ZNF200: variants seen among roughly 807,000 people sequenced by gnomAD.
ZNF200 encodes zinc finger protein 200.
A neutral mutation model predicts 33.6 loss-of-function variants in ZNF200; 35 were observed. The ratio of observed to expected loss-of-function variants is 1.04; its 90% confidence interval spans 0.80 to 1.38. The LOEUF (loss-of-function observed/expected upper bound fraction) is 1.38, where lower values mean the gene tolerates loss of function less well. Among genes scored for constraint, ZNF200 ranks in the 40% most tolerant of loss-of-function variants. ZNF200 has a pLI of 0.00. For synonymous variants in ZNF200, 209 were observed against 167.7 expected, an observed-to-expected ratio of 1.25 and a Z score of -1.90; for missense variants, 592 against 470.6, an observed-to-expected ratio of 1.26 and a Z score of -2.39.
At chr16:3,229,138 T>C (rs905417242) in intron 4 of ZNF200, among the ~76,000 whole-genome samples, 1 of 152,196 alleles carries the variant, frequency 6.6e-6, no homozygotes, top group Non-Finnish European at 1.5e-5. Context: ...GTGTGGAGTA[T>C]ATGTAAATGC....
chr16:3,231,240 A>T (rs1308791932), intron 4 of ZNF200, among the ~76,000 whole-genome samples: 1 of 152,056 alleles, frequency 6.6e-6, no homozygotes, highest in Non-Finnish European at 1.5e-5. Context: ...TCTGCCCAAG[A>T]CTCAGGAAAA....
intron 4 of ZNF200, chr16:3,224,967 G>A (rs930442718): frequency 5.2e-6 from 1 of 191,990 alleles, no homozygotes. Context: ...CATCTATACA[G>A]GGAACCACTC....
chr16:3,228,668 T>C (rs1331465689), intron 4 of ZNF200, among the ~76,000 whole-genome samples: 2 of 151,846 alleles, frequency 1.3e-5, no homozygotes, highest in Non-Finnish European at 2.9e-5. Context: ...CTAACTTTTG[T>C]ATATTTTTTT....
chr16:3,230,737 C>T (rs1365351751), intron 4 of ZNF200, among the ~76,000 whole-genome samples: 1 of 152,098 alleles, frequency 6.6e-6, no homozygotes, highest in Non-Finnish European at 1.5e-5. Context: ...TTGATGGCTC[C>T]CCAATCCCTA....
chr16:3,233,971 C>T (rs781143546), intron 1 of ZNF200, 135 bp from the exon 2 acceptor site: 4 of 576,052 alleles, frequency 6.9e-6, no homozygotes, highest in South Asian at 5.5e-5. Context: ...ATAACTGAAA[C>T]GCAGTATTTG....
At chr16:3,224,872 T>C (rs1178849413) in intron 4 of ZNF200, 4 of 458,672 alleles carry the variant, frequency 8.7e-6, no homozygotes, top group Non-Finnish European at 1.2e-5. Flanking sequence ...GTTTGTTCTC[T>C]TCATAGGTGT....
chr16:3,230,911 C>G (rs1034407828), intron 4 of ZNF200, among the ~76,000 whole-genome samples: 1 of 152,186 alleles, frequency 6.6e-6, no homozygotes, highest in African/African-American at 2.4e-5. Flanking sequence ...CTCATTATAC[C>G]TATAAAAATT....
intron 1 of ZNF200, 37 bp from the exon 2 acceptor site, chr16:3,233,873 A>G: frequency 2.0e-6 from 3 of 1,479,298 alleles, no homozygotes; most frequent in South Asian, 1.4e-5. Flanking sequence ...CCAAAAGACC[A>G]GGCACGGCAT....
intron 4 of ZNF200, among the ~76,000 whole-genome samples, chr16:3,230,927 C>T (rs1005011145): frequency 6.6e-6 from 1 of 152,228 alleles, no homozygotes; most frequent in African/African-American, 2.4e-5. Context: ...AAATTTCACA[C>T]TGCTTATCGT....
At position 3,223,858 on chromosome 16, in the gene ZNF200, GCAGCACCATCAGACC is replaced by G; in HGVS notation, c.*19_*33del. On this transcript the variant is annotated 3_prime_UTR_variant, in exon 5 of 5. Transcript: ENST00000414144. Reference sequence around the variant, plus strand: ...TACTTATGAAAGCTCTCAGGTTGAGGCAGCACCATCAGACCCAGAAAGGGTTCCCAGTATTACTTC... The same window carrying G: ...TACTTATGAAAGCTCTCAGGTTGAGGCAGAAAGGGTTCCCAGTATTACTTC... 6.4e-7 allele frequency: 1 copy of G among 1,566,438 alleles called. No individual in the cohort carries two copies. The highest frequency in any genetic ancestry group is 8.6e-7 in the Non-Finnish European group (1 of 1,158,516).
chr16:3,228,558 G>C (rs961983691), intron 4 of ZNF200, among the ~76,000 whole-genome samples: 1 of 151,922 alleles, frequency 6.6e-6, no homozygotes, highest in Non-Finnish European at 1.5e-5. Flanking sequence ...ACAATGATGT[G>C]ATCTCAGCTC....
chr16:3,225,606 G>C (rs1255583680), intron 4 of ZNF200: 2 of 152,176 alleles, frequency 1.3e-5, no homozygotes, highest in Admixed American at 6.5e-5. Flanking sequence ...AGTCCATTTT[G>C]GGTGGTGCTT....
chr16:3,223,897 T>C lies in ZNF200; in HGVS notation c.1183A>G (p.Lys395Glu). The C allele has an allele frequency of 6.2e-7, 1 of 1,609,134 alleles. No homozygotes were observed. The highest frequency in any genetic ancestry group is 8.5e-7 in the Non-Finnish European group (1 of 1,177,350). ...THSACKTRKQ[K>E] ...CCCAGAAAGGGTTCCCAGTATTACT[T>C]CTGCTTTCGGGTCTTACAGGCTGAG... Residue 395 changes from lysine to glutamate, a missense_variant, in exon 5 of 5, where the codon AAG becomes GAG. Physicochemically the swap from Lys to Glu is moderately conservative, Grantham distance 56. Coordinates refer to ENST00000414144, the MANE Select transcript of ZNF200 (RefSeq NM_198088.3).
At chr16:3,233,057 A>G in intron 2 of ZNF200, 136 bp from the exon 3 acceptor site, 1 of 722,654 alleles carries the variant, frequency 1.4e-6, no homozygotes, top group East Asian at 2.7e-5. Context: ...GAGCCCTTAT[A>G]GAGTTCAAGC....
intron 2 of ZNF200, 78 bp from the exon 3 acceptor site, chr16:3,232,999 C>T: frequency 1.5e-6 from 2 of 1,312,238 alleles, no homozygotes; most frequent in Non-Finnish European, 1.1e-6. Flanking sequence ...CGAGGCCAGG[C>T]TGTCCTCATT....
At position 3,223,648 on chromosome 16, in the gene ZNF200, C is replaced by T. The variant is rs1958387759; in HGVS notation, c.*244G>A. The T allele has an allele frequency of 4.3e-6, 2 of 468,002 alleles. No individual in the cohort carries two copies. Among genetic ancestry groups the T allele is most frequent in the Non-Finnish European group, 7.4e-6 (2 of 271,936 alleles). The allele number at this position is 468,002 out of a possible 1,614,324, so 29.0% of individuals were successfully genotyped here. On this transcript the variant is annotated 3_prime_UTR_variant, in exon 5 of 5. Coordinates refer to ENST00000414144, the MANE Select transcript of ZNF200 (RefSeq NM_198088.3). Reference sequence around the variant, plus strand: ...CTGTGACCTGTACATTATCATATAACTTCAAAAAGGAAAGCTCCTTAGTCC... The same window carrying T: ...CTGTGACCTGTACATTATCATATAATTTCAAAAAGGAAAGCTCCTTAGTCC...
At chr16:3,228,083 G>A (rs1292470975) in intron 4 of ZNF200, among the ~76,000 whole-genome samples, 3 of 151,092 alleles carry the variant, frequency 2.0e-5, no homozygotes, top group Admixed American at 6.6e-5. Flanking sequence ...TTGTCCTTTA[G>A]CCTTGTTTTA....
rs1384330942 is a variant in ZNF200 at position 3,223,999 on chromosome 16, C to G, written c.1081G>C (p.Glu361Gln). The change falls in exon 5 of 5, where the codon GAG becomes CAG. Residue 361 changes from glutamate to glutamine, a missense_variant. Coordinates refer to ENST00000414144, the MANE Select transcript of ZNF200 (RefSeq NM_198088.3). Reference protein sequence around the residue: ...FVLHLQSHEAERPYGCKKCGR... With the variant: ...FVLHLQSHEAQRPYGCKKCGR... ...CATTTTTTGCAACCATATGGTCTCT[C>G]AGCCTCATGACTCTGCAGATGAAGC... 1 of 1,614,052 alleles carries G rather than the reference C, an allele frequency of 6.2e-7. No homozygotes were observed. Among genetic ancestry groups the G allele is most frequent in the African/African-American group, 1.3e-5 (1 of 74,910 alleles).
At position 3,233,939 on chromosome 16, in the gene ZNF200, C is replaced by A. The variant is rs1004019954; in HGVS notation, c.-81-103G>T. On this transcript the variant is annotated intron_variant, in intron 1 of 4. Coordinates refer to ENST00000414144, the MANE Select transcript of ZNF200 (RefSeq NM_198088.3). The stretch of plus-strand genomic sequence containing the variant: ...GAGGCTACATGAGATCTAAAGAAAA[C>A]GACAGCTGGGATAGGGAAATCATAA... 5 of 848,634 alleles carry A rather than the reference C, an allele frequency of 5.9e-6. No individual in the cohort carries two copies. In the African/African-American group the frequency reaches 7.0e-5, roughly 12 times the overall value. The allele number at this position is 848,634 out of a possible 1,614,324, so 52.6% of individuals were successfully genotyped here.
Sources: allele counts gnomAD v4.1 joint callset (sites outside exome capture counted in the v4.1 genomes callset), GRCh38; gene constraint gnomAD v4.1.1; transcripts MANE v1.5; gene names NCBI Gene and HGNC (gene_info 2026-07-23, HGNC 2026-07-21).